HDAC1: variants seen among roughly 807,000 people sequenced by gnomAD.
The protein encoded by HDAC1 is histone deacetylase 1, also known as protein deacetylase HDAC1.
In HDAC1, 18 loss-of-function variants were observed where a neutral mutation model predicts 65.5. That is an observed-to-expected ratio of 0.27 (90% CI 0.19 to 0.41). HDAC1 has a LOEUF of 0.41. Ranked by LOEUF, HDAC1 falls within the 10% of genes least tolerant of loss-of-function variation. The pLI, the probability that HDAC1 is intolerant of heterozygous loss-of-function variation, is 1.00. For missense variants in HDAC1, 373 were observed against 625.2 expected (o/e 0.60, Z 4.30); for synonymous variants, 211 against 227.9 (o/e 0.93, Z 0.67).
At chr1:32,332,317 A>G (rs1641304216) in intron 12 of HDAC1, 75 bp downstream of exon 12, 1 of 1,402,540 alleles carries the variant, frequency 7.1e-7, no homozygotes, top group Non-Finnish European at 9.8e-7. Flanking sequence ...GGGAGGAGGG[A>G]GTGACTCAGG....
chr1:32,297,725 C>T (rs533226429), intron 1 of HDAC1, among the ~76,000 whole-genome samples: 5 of 151,488 alleles, frequency 3.3e-5, no homozygotes, highest in Non-Finnish European at 5.9e-5. Flanking sequence ...ATTCTCCTGC[C>T]TCAGCCTCCC....
In HDAC1 at chr1:32,333,283, C is replaced by T; in HGVS notation, c.*239C>T. ...CTTTGAACCATAAAGGGTGCCAGGTCTGGGTGAAAGGGATACTTTTATGCA... is the reference window on the plus strand; with the variant it reads ...CTTTGAACCATAAAGGGTGCCAGGTTTGGGTGAAAGGGATACTTTTATGCA... On this transcript the variant is annotated 3_prime_UTR_variant, in exon 14 of 14. Coordinates refer to ENST00000373548, the MANE Select transcript of HDAC1 (RefSeq NM_004964.3). The T allele has an allele frequency of 2.6e-6, 1 of 391,060 alleles. No individual in the cohort carries two copies. Among genetic ancestry groups the T allele is most frequent in the East Asian group, 4.3e-5 (1 of 23,390 alleles). 24.2% of individuals were successfully genotyped at this position (391,060 alleles called of 1,614,324 possible).
intron 1 of HDAC1, among the ~76,000 whole-genome samples, chr1:32,295,250 C>A (rs903546479): frequency 1.6e-4 from 24 of 151,804 alleles, no homozygotes; most frequent in South Asian, 2.1e-4. Flanking sequence ...TCTGTCTCTA[C>A]AAAAAGTAAA....
chr1:32,316,125 A>G (rs983172993), intron 2 of HDAC1, among the ~76,000 whole-genome samples: 3 of 151,896 alleles, frequency 2.0e-5, no homozygotes, highest in Non-Finnish European at 4.4e-5. Flanking sequence ...TACTAAAAAT[A>G]CAAAAAAAAT....
chr1:32,317,399 A>G (rs1028436716), intron 3 of HDAC1, among the ~76,000 whole-genome samples: 1 of 152,194 alleles, frequency 6.6e-6, no homozygotes, highest in African/African-American at 2.4e-5. Context: ...TTGGGACAAA[A>G]CTATCATACC....
chr1:32,311,239 C>T (rs1413343718), intron 2 of HDAC1, among the ~76,000 whole-genome samples: 2 of 151,974 alleles, frequency 1.3e-5, no homozygotes, highest in African/African-American at 4.8e-5. Flanking sequence ...AAGCCAAGGC[C>T]AGCAGATCAC....
chr1:32,330,173 T>C lies in HDAC1; in HGVS notation c.730-405T>C, dbSNP rs1295753325. On this transcript the variant is annotated intron_variant, in intron 7 of 13. Coordinates refer to ENST00000373548, the MANE Select transcript of HDAC1 (RefSeq NM_004964.3). The surrounding 1 kb of genome is among the most constrained non-coding windows in gnomAD (Gnocchi z 4.2). ...CGGTCTCAGTAACGTTAGACTCTGC[T>C]TGTGAGAATAAGATAAACTAAAAGT... The C allele has an allele frequency of 4.9e-6, 1 of 204,996 alleles. No homozygotes were observed. The highest frequency in any genetic ancestry group is 1.0e-5 in the Non-Finnish European group (1 of 99,520). 12.7% of individuals were successfully genotyped at this position (204,996 alleles called of 1,614,324 possible).
chr1:32,301,303 G>T (rs1640844403), intron 1 of HDAC1, among the ~76,000 whole-genome samples: 1 of 151,980 alleles, frequency 6.6e-6, no homozygotes, highest in Non-Finnish European at 1.5e-5. Flanking sequence ...AAAATTAGCT[G>T]GGCATGGTGG....
chr1:32,312,580 C>T (rs1401301461), intron 2 of HDAC1, among the ~76,000 whole-genome samples: 2 of 152,120 alleles, frequency 1.3e-5, no homozygotes, highest in Middle Eastern at 3.4e-3. Flanking sequence ...AGACTGGTCT[C>T]GAACTCCTGA....
At chr1:32,310,866 TAGAG>T (rs144361103) in intron 2 of HDAC1, among the ~76,000 whole-genome samples, 979 of 86,962 alleles carry the variant, frequency 0.011, 11 homozygotes, top group African/African-American at 0.04. Flanking sequence ...AAAAAAAAAA[TAGAG>T]AGACAGAAAG....
At chr1:32,293,136 C>T (rs1158416781) in intron 1 of HDAC1, among the ~76,000 whole-genome samples, 1 of 152,022 alleles carries the variant, frequency 6.6e-6, no homozygotes, top group Non-Finnish European at 1.5e-5. Context: ...GCCTGGCCAA[C>T]ATGGTGAAAC....
rs761493129 is a variant in HDAC1 at position 32,333,045 on chromosome 1, AT to A, written c.*2del. 10 of 1,613,550 alleles carry A rather than the reference AT, an allele frequency of 6.2e-6. No individual in the cohort carries two copies. In the South Asian group the frequency reaches 1.1e-4, roughly 18 times the overall value. On this transcript the variant is annotated 3_prime_UTR_variant, in exon 14 of 14. Transcript: ENST00000373548. ...CAAGGAGGAGGTCAAGTTGGCCTGA[AT>A]GGACCTCTCCAGCTCTGGCTTCCTG... is the stretch of plus-strand genomic sequence containing the variant.
In HDAC1 at chr1:32,322,659, G is replaced by A. The variant is rs1203857129; in HGVS notation, c.281-1820G>A. ...AGCCTCCAGGTGTGCTTTCCTTCCT[G>A]TTTTCATTTCATTTGCCTTATTGTT... On this transcript the variant is annotated intron_variant, in intron 3 of 13. Coordinates refer to ENST00000373548, the MANE Select transcript of HDAC1 (RefSeq NM_004964.3). 2.0e-5 allele frequency among the ~76,000 whole-genome samples: 3 copies of A among 152,094 alleles called. No homozygotes were observed. The East Asian group carries it at 5.8e-4, about 29-fold the overall frequency.
chr1:32,306,168 T>C (rs1205027560), intron 2 of HDAC1, among the ~76,000 whole-genome samples: 1 of 151,980 alleles, frequency 6.6e-6, no homozygotes, highest in African/African-American at 2.4e-5. Flanking sequence ...ATTTGCCCTT[T>C]CACTTTTTTT....
At chr1:32,314,973 A>G (rs1302116932) in intron 2 of HDAC1, among the ~76,000 whole-genome samples, 1 of 152,200 alleles carries the variant, frequency 6.6e-6, no homozygotes, top group Non-Finnish European at 1.5e-5. Context: ...CAATTAGCCT[A>G]TGGTAAAATT....
intron 2 of HDAC1, among the ~76,000 whole-genome samples, chr1:32,311,147 A>G (rs1640985440): frequency 6.6e-6 from 1 of 152,126 alleles, no homozygotes; most frequent in Admixed American, 6.5e-5. Context: ...AGTTGAATGT[A>G]GCGGATGAAA....
intron 6 of HDAC1, among the ~76,000 whole-genome samples, chr1:32,328,373 G>GTGATC (rs1319141205): frequency 6.6e-6 from 1 of 151,634 alleles, no homozygotes; most frequent in Non-Finnish European, 1.5e-5. Context: ...GTGCAGTGGC[G>GTGATC]TGATCTCGGT....
At chr1:32,316,614 G>A in intron 2 of HDAC1, 51 bp from the exon 3 acceptor site, 1 of 964,224 alleles carries the variant, frequency 1.0e-6, no homozygotes, top group Non-Finnish European at 1.7e-6. Context: ...TAGATTGACT[G>A]GACTGGCCGT....
chr1:32,327,870 C>T lies in HDAC1; in HGVS notation c.636+193C>T. 1.6e-6 allele frequency: 1 copy of T among 623,992 alleles called. No homozygotes were observed. The highest frequency in any genetic ancestry group is 2.9e-6 in the Non-Finnish European group (1 of 345,484). 38.7% of individuals were successfully genotyped at this position (623,992 alleles called of 1,614,324 possible). On this transcript the variant is annotated intron_variant, in intron 6 of 13. Coordinates refer to ENST00000373548, the MANE Select transcript of HDAC1 (RefSeq NM_004964.3). This position sits in a 1 kb window ranked among gnomAD's most constrained non-coding sequence, Gnocchi z 6.0. Reference sequence around the variant, plus strand: ...GAAGGGAATGATGGGACATAAAGGGCCAGAGAAAGAAGAGGGGTCTCCTGA... The same window carrying T: ...GAAGGGAATGATGGGACATAAAGGGTCAGAGAAAGAAGAGGGGTCTCCTGA...
Sources: allele counts gnomAD v4.1 joint callset (sites outside exome capture counted in the v4.1 genomes callset), GRCh38; gene constraint gnomAD v4.1.1; non-coding constraint Gnocchi (gnomAD v3.1); transcripts MANE v1.5; gene names NCBI Gene and HGNC (gene_info 2026-07-23, HGNC 2026-07-21).